The following CNTN5 variants were observed in gnomAD, a reference collection of about 807,000 sequenced individuals.
CNTN5 encodes contactin-5.
A neutral mutation model predicts 129.1 loss-of-function variants in CNTN5; 77 were observed. The observed-to-expected ratio is 0.60, with a 90% CI of 0.50 to 0.72. CNTN5 has a LOEUF of 0.72. Among genes scored for constraint, CNTN5 ranks in the 30% least tolerant of loss-of-function variants. The pLI, the probability that CNTN5 is intolerant of heterozygous loss-of-function variation, is 0.00. For missense variants in CNTN5, 1,478 were observed against 1,328.8 expected, an observed-to-expected ratio of 1.11 and a Z score of -1.75; for synonymous variants, 509 against 465.6, an observed-to-expected ratio of 1.09 and a Z score of -1.20.
chr11:99,926,219 T>G (rs1248256272), intron 7 of CNTN5, among the ~76,000 whole-genome samples: 3 of 152,086 alleles, frequency 2.0e-5, no homozygotes, highest in Non-Finnish European at 2.9e-5. Flanking sequence ...CTGCTAACAT[T>G]AATTAACAGT....
At chr11:99,507,432 A>G (rs985748324) in intron 2 of CNTN5, among the ~76,000 whole-genome samples, 5 of 151,404 alleles carry the variant, frequency 3.3e-5, no homozygotes, top group Non-Finnish European at 7.4e-5. Flanking sequence ...CCCATTAAAT[A>G]TAATGTATAT....
chr11:100,121,647 T>C (rs1946026602), intron 13 of CNTN5, among the ~76,000 whole-genome samples: 2 of 152,158 alleles, frequency 1.3e-5, no homozygotes, highest in African/African-American at 4.8e-5. Flanking sequence ...GGAGCCATAT[T>C]TTGAAATAGT....
intron 13 of CNTN5, among the ~76,000 whole-genome samples, chr11:100,106,862 A>AAAAGT (rs1158334644): frequency 6.6e-6 from 1 of 152,158 alleles, no homozygotes; most frequent in African/African-American, 2.4e-5. Context: ...CCAATGAGAC[A>AAAAGT]AAAGTAAAAT....
rs34582552 is a variant in CNTN5, at chr11:99,911,738, TAAA to T, written c.578-4304_578-4302del. On this transcript the variant is annotated intron_variant, in intron 6 of 24. Transcript: ENST00000524871. ...ACCTACTCAACATGTCTCAGGAGGT[TAAA>T]AAAAAAAAAAAGAAAAATAACTTTC... Among the ~76,000 whole-genome samples, 131 of 146,832 alleles carry T rather than the reference TAAA, an allele frequency of 8.9e-4. No homozygotes were observed. The Middle Eastern group carries it at 0.011, about 12-fold the overall frequency.
intron 1 of CNTN5, among the ~76,000 whole-genome samples, chr11:99,320,223 C>T (rs1432044883): frequency 2.0e-5 from 3 of 152,162 alleles, no homozygotes; most frequent in African/African-American, 7.2e-5. Context: ...GCCTGGGCAA[C>T]AGAGCAAGAC....
At chr11:99,257,633 A>G (rs1158378696) in intron 1 of CNTN5, among the ~76,000 whole-genome samples, 2 of 152,032 alleles carry the variant, frequency 1.3e-5, no homozygotes, top group Admixed American at 6.6e-5. Flanking sequence ...TAGCAAGTTC[A>G]GATTTCAGGA....
At chr11:99,809,349 TTC>T (rs1946364037) in intron 3 of CNTN5, among the ~76,000 whole-genome samples, 1 of 152,230 alleles carries the variant, frequency 6.6e-6, no homozygotes, top group Non-Finnish European at 1.5e-5. Context: ...TTTATTTTTT[TTC>T]TCTTAGTTTA....
At chr11:99,358,959 G>C (rs1938912054) in intron 2 of CNTN5, among the ~76,000 whole-genome samples, 2 of 152,114 alleles carry the variant, frequency 1.3e-5, no homozygotes, top group South Asian at 4.1e-4. Flanking sequence ...CATTTAAAAA[G>C]TAGAAATAAG....
chr11:99,156,595 A>C (rs1860345597), intron 1 of CNTN5, among the ~76,000 whole-genome samples: 1 of 152,038 alleles, frequency 6.6e-6, no homozygotes, highest in Non-Finnish European at 1.5e-5. Context: ...CTAAGACAAA[A>C]GTATACTGCA....
chr11:99,651,914 C>A (rs141987837), intron 3 of CNTN5, among the ~76,000 whole-genome samples: 13 of 152,056 alleles, frequency 8.5e-5, no homozygotes, highest in Admixed American at 7.2e-4. Context: ...AAAAGTTCTG[C>A]GTTAGAAAGG....
intron 3 of CNTN5, among the ~76,000 whole-genome samples, chr11:99,602,820 A>C (rs1950357626): frequency 2.1e-5 from 3 of 140,960 alleles, no homozygotes; most frequent in Non-Finnish European, 3.1e-5. Flanking sequence ...ACTGGGAGGC[A>C]CCCCCCAGCA....
At chr11:99,654,564 C>G (rs1249629707) in intron 3 of CNTN5, among the ~76,000 whole-genome samples, 2 of 152,042 alleles carry the variant, frequency 1.3e-5, no homozygotes, top group Non-Finnish European at 2.9e-5. Flanking sequence ...ATCAGATTTT[C>G]TGATCTACAT....
At chr11:100,223,241 TAAC>T (rs766938885) in intron 15 of CNTN5, among the ~76,000 whole-genome samples, 1 of 152,122 alleles carries the variant, frequency 6.6e-6, no homozygotes, top group Non-Finnish European at 1.5e-5. Flanking sequence ...GACCATGTCT[TAAC>T]AATTATTTCA....
At chr11:99,781,566 T>A (rs1945312092) in intron 3 of CNTN5, among the ~76,000 whole-genome samples, 1 of 152,020 alleles carries the variant, frequency 6.6e-6, no homozygotes, top group African/African-American at 2.4e-5. Context: ...ATGCACATGC[T>A]TACCCTCTCC....
chr11:100,211,867 A>T (rs1205486758), intron 15 of CNTN5, among the ~76,000 whole-genome samples: 1 of 152,156 alleles, frequency 6.6e-6, no homozygotes, highest in Non-Finnish European at 1.5e-5. Context: ...TACCTGGAAA[A>T]TTATGTGGAT....
At chr11:99,761,616 T>C (rs1944585575) in intron 3 of CNTN5, among the ~76,000 whole-genome samples, 1 of 152,144 alleles carries the variant, frequency 6.6e-6, no homozygotes, top group Admixed American at 6.6e-5. Context: ...TATGGCTGCA[T>C]AGTATTCCAT....
intron 3 of CNTN5, among the ~76,000 whole-genome samples, chr11:99,716,746 G>A (rs753212827): frequency 6.6e-6 from 1 of 152,078 alleles, no homozygotes; most frequent in Non-Finnish European, 1.5e-5. Context: ...GTTTTAAATA[G>A]TTTAAGTTCT....
intron 3 of CNTN5, among the ~76,000 whole-genome samples, chr11:99,758,557 A>G (rs1288042403): frequency 6.6e-6 from 1 of 152,046 alleles, no homozygotes; most frequent in East Asian, 1.9e-4. Flanking sequence ...TGAATGAGAG[A>G]TGAATGAAAA....
rs1944610681 is a variant in CNTN5 at position 100,087,726 on chromosome 11, C to T, written c.1580+13432C>T. 2.0e-5 allele frequency among the ~76,000 whole-genome samples: 3 copies of T among 151,874 alleles called. No homozygotes were observed. In the South Asian group the frequency reaches 6.2e-4, roughly 31 times the overall value. On this transcript the variant is annotated intron_variant, in intron 13 of 24. Transcript: ENST00000524871. ...TAGAGCATTAGACAGATCATCAAATCAGAAAACTAATTTAAAAATTCTGGA... is the reference window on the plus strand; with the variant it reads ...TAGAGCATTAGACAGATCATCAAATTAGAAAACTAATTTAAAAATTCTGGA...
Sources: gnomAD v4.1 joint callset for allele counts (sites outside exome capture counted in the v4.1 genomes callset) on GRCh38, gnomAD v4.1.1 for gene constraint, MANE v1.5 for transcripts, NCBI Gene and HGNC (gene_info 2026-07-23, HGNC 2026-07-21) for gene names.